The following SEMA3A variants were observed in gnomAD, a reference collection of about 807,000 sequenced individuals.
The protein encoded by SEMA3A is semaphorin 3A, also known as semaphorin-3A.
Under a neutral mutation model 97.9 loss-of-function variants are expected in SEMA3A, and 29 were observed. The observed-to-expected ratio is 0.30, with a 90% confidence interval of 0.22 to 0.40. The LOEUF is 0.40. Ranked by LOEUF, SEMA3A falls within the 10% of genes least tolerant of loss-of-function variation. The probability of loss-of-function intolerance (pLI) is 1.00; values close to 1 mark genes in which losing one functional copy is unlikely to be tolerated. For missense variants in SEMA3A, 763 were observed against 951.3 expected (o/e 0.80, Z 2.60); for synonymous variants, 321 against 323.7 (o/e 0.99, Z 0.09).
intron 1 of SEMA3A, among the ~76,000 whole-genome samples, chr7:84,376,693 A>C (rs1007183195): frequency 6.7e-6 from 1 of 149,686 alleles, no homozygotes; most frequent in Admixed American, 6.7e-5. Context: ...TATACATTTT[A>C]ACAGGTTTAA....
At chr7:84,111,480 T>G (rs1208373135) in intron 3 of SEMA3A, among the ~76,000 whole-genome samples, 2 of 152,194 alleles carry the variant, frequency 1.3e-5, no homozygotes. Context: ...TTTATCTTAA[T>G]TCCATTGCCC....
exon 1 of SEMA3A, chr7:84,492,524 G>C (rs1180908969): frequency 6.6e-6 from 1 of 152,084 alleles, no homozygotes; most frequent in Admixed American, 6.6e-5. Context: ...CCTAGCTCCA[G>C]GTTGCCCTCC....
intron 3 of SEMA3A, among the ~76,000 whole-genome samples, chr7:84,251,586 G>C (rs551247154): frequency 6.6e-6 from 1 of 152,152 alleles, no homozygotes; most frequent in Non-Finnish European, 1.5e-5. Flanking sequence ...GCTATTCATG[G>C]AGTGGGTGTC....
intron 9 of SEMA3A, among the ~76,000 whole-genome samples, chr7:84,008,884 C>CTT: frequency 6.6e-6 from 1 of 152,230 alleles, no homozygotes; most frequent in Admixed American, 6.5e-5. Context: ...TTAGTGCATA[C>CTT]TTGATACATC....
intron 15 of SEMA3A, among the ~76,000 whole-genome samples, chr7:83,975,522 A>C (rs1276380215): frequency 6.6e-6 from 1 of 152,208 alleles, no homozygotes; most frequent in African/African-American, 2.4e-5. Flanking sequence ...AACAAAAGTA[A>C]TAAGACATGT....
At chr7:84,363,500 T>C (rs1312178586) in intron 2 of SEMA3A, among the ~76,000 whole-genome samples, 3 of 151,980 alleles carry the variant, frequency 2.0e-5, no homozygotes, top group Non-Finnish European at 4.4e-5. Flanking sequence ...TTTAGATCTA[T>C]ATCTATCTAT....
intron 11 of SEMA3A, among the ~76,000 whole-genome samples, 195 bp from the exon 12 acceptor site, chr7:84,002,241 A>G (rs1790487105): frequency 6.6e-6 from 1 of 152,196 alleles, no homozygotes; most frequent in African/African-American, 2.4e-5. Flanking sequence ...GTAAAGGTAA[A>G]CTATAAACAC....
chr7:84,150,378 TGC>T (rs917835683), intron 1 of SEMA3A, among the ~76,000 whole-genome samples: 3 of 152,148 alleles, frequency 2.0e-5, no homozygotes, highest in African/African-American at 7.2e-5. Flanking sequence ...GGTCAGTGGG[TGC>T]GCACACTGTG....
chr7:84,075,012 A>AT (rs575769447), intron 4 of SEMA3A, among the ~76,000 whole-genome samples: 3 of 151,798 alleles, frequency 2.0e-5, no homozygotes, highest in African/African-American at 4.8e-5. Context: ...CTAGGCTAGA[A>AT]TTTTTTTTAC....
At chr7:84,052,027 A>G (rs1362263222) in intron 5 of SEMA3A, among the ~76,000 whole-genome samples, 3 of 151,936 alleles carry the variant, frequency 2.0e-5, no homozygotes, top group Non-Finnish European at 2.9e-5. Flanking sequence ...TGATTTGCGT[A>G]TATTGAACCA....
chr7:84,043,212 G>A (rs1792213187), intron 6 of SEMA3A, among the ~76,000 whole-genome samples: 1 of 151,980 alleles, frequency 6.6e-6, no homozygotes, highest in Non-Finnish European at 1.5e-5. Flanking sequence ...AGACTCCATT[G>A]TCTGAAGTTT....
At chr7:84,429,948 A>G (rs1015045107) in intron 1 of SEMA3A, among the ~76,000 whole-genome samples, 5 of 151,860 alleles carry the variant, frequency 3.3e-5, no homozygotes, top group Admixed American at 6.6e-5. Context: ...GCTACCTAGG[A>G]GCTTTACGCT....
intron 1 of SEMA3A, among the ~76,000 whole-genome samples, chr7:84,461,780 G>A (rs1018139019): frequency 4.6e-5 from 7 of 152,032 alleles, no homozygotes; most frequent in African/African-American, 1.7e-4. Context: ...TTGAGAAAGT[G>A]GATTTGTTTC....
intron 5 of SEMA3A, among the ~76,000 whole-genome samples, chr7:84,052,039 C>G (rs1410729358): frequency 3.3e-5 from 5 of 151,980 alleles, no homozygotes; most frequent in Admixed American, 3.3e-4. Flanking sequence ...ATTGAACCAG[C>G]CTTGCATCCC....
At chr7:84,111,931 T>C (rs1795285645) in intron 3 of SEMA3A, among the ~76,000 whole-genome samples, 1 of 152,160 alleles carries the variant, frequency 6.6e-6, no homozygotes, top group South Asian at 2.1e-4. Flanking sequence ...ATGAAACAGA[T>C]ATAACTTAAC....
At chr7:84,362,029 AG>A (rs1442885791) in intron 2 of SEMA3A, among the ~76,000 whole-genome samples, 7 of 151,930 alleles carry the variant, frequency 4.6e-5, no homozygotes, top group Non-Finnish European at 8.8e-5. Flanking sequence ...TTGCTCATAT[AG>A]TTTTGTATGG....
chr7:84,051,906 AG>A (rs1408735033), intron 5 of SEMA3A, among the ~76,000 whole-genome samples: 1 of 149,976 alleles, frequency 6.7e-6, no homozygotes, highest in Non-Finnish European at 1.5e-5. Flanking sequence ...ATTTATTGAG[AG>A]TTTTTAGCAT....
At chr7:83,965,666 A>ATATATAT (rs1384828989) in intron 15 of SEMA3A, among the ~76,000 whole-genome samples, 1 of 11,794 alleles carries the variant, frequency 8.5e-5, no homozygotes, top group African/African-American at 2.5e-4. Context: ...ATATATATAT[A>ATATATAT]TTTTTTTTTT....
chr7:84,071,152 G>A (rs2372026), intron 4 of SEMA3A, among the ~76,000 whole-genome samples: 19,173 of 152,030 alleles, frequency 0.13, 1,272 homozygotes, highest in South Asian at 0.15. Flanking sequence ...ACTAATCAAA[G>A]GGAAAAATTC....
Sources: gnomAD v4.1 joint callset for allele counts (sites outside exome capture counted in the v4.1 genomes callset) on GRCh38, gnomAD v4.1.1 for gene constraint, MANE v1.5 for transcripts, NCBI Gene and HGNC (gene_info 2026-07-23, HGNC 2026-07-21) for gene names.